RPL6: variants seen among roughly 807,000 people sequenced by gnomAD.
The protein encoded by RPL6 is ribosomal protein L6, also known as large ribosomal subunit protein eL6.
A neutral mutation model predicts 32.1 loss-of-function variants in RPL6; 1 was observed. The observed-to-expected ratio is 0.03, with a 90% CI of 0.01 to 0.15. The LOEUF (loss-of-function observed/expected upper bound fraction) is 0.15. RPL6 is among the 10% of genes least tolerant of loss of function. RPL6 has a pLI of 1.00. For synonymous variants in RPL6, 126 were observed against 131.6 expected (o/e 0.96, Z 0.29); for missense variants, 275 against 354.6 (o/e 0.78, Z 1.80).
At chr12:112,411,873 C>G (rs1283753448), upstream of RPL6, among the ~76,000 whole-genome samples, 2 of 151,842 alleles carry the variant, frequency 1.3e-5, no homozygotes, top group African/African-American at 4.8e-5. Flanking sequence ...TTTTTGCAGA[C>G]ACTTAATCTT....
At chr12:112,408,787 T>C (rs573214932) in intron 1 of RPL6, 131 bp from the exon 2 acceptor site, 1 of 761,876 alleles carries the variant, frequency 1.3e-6, no homozygotes, top group Admixed American at 2.9e-5. Context: ...GATACAGGCC[T>C]TCCTCTCAAA....
rs551942442 is a variant in RPL6, at chr12:112,405,672, A to G, written c.714+181T>C. 16 of 641,996 alleles carry G rather than the reference A, an allele frequency of 2.5e-5. No individual in the cohort carries two copies. The African/African-American group carries it at 2.9e-4, about 12-fold the overall frequency. The allele number at this position is 641,996 out of a possible 1,614,324, so 39.8% of individuals were successfully genotyped here. ...CAATTCCACCAAACTTTAGGATTCT[A>G]AGTTGAGCTCCCAGACTGCCAAAAG... On this transcript the variant is annotated intron_variant, in intron 6 of 6. Coordinates refer to ENST00000202773, the MANE Select transcript of RPL6 (RefSeq NM_000970.6).
chr12:112,409,616 C>T (rs989022496), upstream of RPL6: 18 of 397,888 alleles, frequency 4.5e-5, no homozygotes, highest in African/African-American at 3.1e-4. Flanking sequence ...AATTAAGGTC[C>T]CGGCTTCCGG....
chr12:112,406,206 C>CA, intron 5 of RPL6, 88 bp downstream of exon 5: 1 of 1,284,370 alleles, frequency 7.8e-7, no homozygotes, highest in Non-Finnish European at 1.1e-6. Context: ...AAGTGTCTAC[C>CA]ATGTAGGCAG....
At chr12:112,407,184 C>T (rs567529406) in intron 3 of RPL6, 86 of 278,828 alleles carry the variant, frequency 3.1e-4, no homozygotes, top group Non-Finnish European at 5.0e-4. Context: ...AGAGATTACA[C>T]GTGTGACATG....
chr12:112,406,446 G>A lies in RPL6; in HGVS notation c.481-104C>T, dbSNP rs143976204. 1.6e-3 allele frequency: 1,668 copies of A among 1,015,874 alleles called. 32 individuals carry two copies. The Admixed American group carries it at 0.029, about 18-fold the overall frequency. 62.9% of individuals were successfully genotyped at this position (1,015,874 alleles called of 1,614,324 possible). ...ATTTGGGTAAAGGAAATTTCTACAT[G>A]TATATGTATACAGCTCGGCAGTTCT... On this transcript the variant is annotated intron_variant, in intron 4 of 6. Transcript: ENST00000202773.
In RPL6 at chr12:112,408,144, C is replaced by T. The variant is rs1018020102; in HGVS notation, c.336+96G>A. The T allele has an allele frequency of 3.7e-5, 32 of 866,300 alleles. 1 individual carries two copies. Among genetic ancestry groups the T allele is most frequent in the East Asian group, 2.7e-4 (11 of 40,266 alleles). 53.7% of individuals were successfully genotyped at this position (866,300 alleles called of 1,614,324 possible). Reference sequence around the variant, plus strand: ...CCTTTATTTTCTATCAGAAATTCTCCGGTATGCAGAAACTTACAGTATCTA... The same window carrying T: ...CCTTTATTTTCTATCAGAAATTCTCTGGTATGCAGAAACTTACAGTATCTA... On this transcript the variant is annotated intron_variant, in intron 3 of 6. Transcript: ENST00000202773.
At chr12:112,417,168 C>T (rs2037422665) in intron 1 of RPL6, among the ~76,000 whole-genome samples, 1 of 152,106 alleles carries the variant, frequency 6.6e-6, no homozygotes, top group Non-Finnish European at 1.5e-5. Context: ...AGCAATTCTC[C>T]CACCTCAGCC....
chr12:112,408,161 C>T, intron 3 of RPL6, 79 bp downstream of exon 3: 2 of 1,031,648 alleles, frequency 1.9e-6, no homozygotes, highest in Non-Finnish European at 2.9e-6. Flanking sequence ...CAGAAACTTA[C>T]AGTATCTAAG....
At position 112,406,277 on chromosome 12, in the gene RPL6, T is replaced by C; in HGVS notation, c.529+17A>G. ...ATGGAAGTTTCACAGAACATCACAATCCAAGGATTTTCTTACCAGTCACAA... is the reference window on the plus strand; with the variant it reads ...ATGGAAGTTTCACAGAACATCACAACCCAAGGATTTTCTTACCAGTCACAA... On this transcript the variant is annotated intron_variant, in intron 5 of 6. Transcript: ENST00000202773. 6.2e-7 allele frequency: 1 copy of C among 1,608,384 alleles called. No individual in the cohort carries two copies.
chr12:112,406,741 T>G lies in RPL6; in HGVS notation c.480+6A>C, dbSNP rs2037180392. 1 of 1,614,098 alleles carries G rather than the reference T, an allele frequency of 6.2e-7. No individual in the cohort carries two copies. Among genetic ancestry groups the G allele is most frequent in the African/African-American group, 1.3e-5 (1 of 75,068 alleles). ...AGTGAAGCGCCCCAAGCACAGGTAC[T>G]CTCACCTTGCCCCTGTGGCGTCCAG... On this transcript the variant is annotated splice_donor_region_variant and intron_variant, in intron 4 of 6. Coordinates refer to ENST00000202773, the MANE Select transcript of RPL6 (RefSeq NM_000970.6).
intron 3 of RPL6, chr12:112,407,654 AAC>A (rs2037213314): frequency 6.5e-6 from 1 of 153,316 alleles, no homozygotes; most frequent in Non-Finnish European, 1.5e-5. Context: ...GGGGCCAAGA[AAC>A]ACTGCTCTAG....
upstream of RPL6, chr12:112,409,723 A>C (rs1055040292): frequency 5.7e-5 from 21 of 367,038 alleles, no homozygotes; most frequent in Non-Finnish European, 2.9e-5. Flanking sequence ...AAAGTAGTAA[A>C]TCCTAGGCCG....
chr12:112,409,093 T>C (rs1215457896), intron 1 of RPL6: 7 of 239,316 alleles, frequency 2.9e-5, no homozygotes. Flanking sequence ...TTCAAGAAAC[T>C]CGATTTAGGA....
At chr12:112,414,674 C>T (rs1404791797), upstream of RPL6, among the ~76,000 whole-genome samples, 4 of 151,906 alleles carry the variant, frequency 2.6e-5, no homozygotes, top group Admixed American at 6.6e-5. Flanking sequence ...GAGGCCGAGT[C>T]GGGTGGATCA....
At chr12:112,405,656 CA>C in intron 6 of RPL6, 196 bp downstream of exon 6, 2 of 625,034 alleles carry the variant, frequency 3.2e-6, no homozygotes, top group Non-Finnish European at 5.4e-6. Flanking sequence ...ACAATTCCAC[CA>C]AACTTTAGGA....
chr12:112,409,579 A>C lies in RPL6; in HGVS notation c.-1+8T>G, dbSNP rs1339815767. On this transcript the variant is annotated splice_region_variant and intron_variant, in intron 1 of 6. Transcript: ENST00000202773. ...CTCAAGTCTTGCAGACAGGCCCGCGATTCTTACCTTGCAAGATGGGAAAGA... is the reference window on the plus strand; with the variant it reads ...CTCAAGTCTTGCAGACAGGCCCGCGCTTCTTACCTTGCAAGATGGGAAAGA... 1 of 398,462 alleles carries C rather than the reference A, an allele frequency of 2.5e-6. No homozygotes were observed. Among genetic ancestry groups the C allele is most frequent in the East Asian group, 3.6e-5 (1 of 28,084 alleles). The allele number at this position is 398,462 out of a possible 1,614,324, so 24.7% of individuals were successfully genotyped here.
chr12:112,413,378 A>G (rs2037362679), upstream of RPL6, among the ~76,000 whole-genome samples: 1 of 152,036 alleles, frequency 6.6e-6, no homozygotes, highest in African/African-American at 2.4e-5. Context: ...CTACTAAAAA[A>G]TACAAAAAAA....
chr12:112,408,700 C>A lies in RPL6; in HGVS notation c.1-44G>T. On this transcript the variant is annotated intron_variant, in intron 1 of 6. Coordinates refer to ENST00000202773, the MANE Select transcript of RPL6 (RefSeq NM_000970.6). ...AGATAAAAAAAGGCATTTCACCAGT[C>A]ATCTCTCTAACAAGACAATAATGAA... The A allele has an allele frequency of 2.0e-6, 3 of 1,490,692 alleles. No individual in the cohort carries two copies. In the South Asian group the frequency reaches 3.9e-5, roughly 19 times the overall value. 92.3% of individuals were successfully genotyped at this position (1,490,692 alleles called of 1,614,324 possible).
Sources: allele counts gnomAD v4.1 joint callset (sites outside exome capture counted in the v4.1 genomes callset), GRCh38; gene constraint gnomAD v4.1.1; transcripts MANE v1.5; gene names NCBI Gene and HGNC (gene_info 2026-07-23, HGNC 2026-07-21).